The following FAM13B variants were observed in gnomAD, a reference collection of about 807,000 sequenced individuals.
FAM13B encodes protein FAM13B.
In FAM13B, 60 loss-of-function variants were observed where a neutral mutation model predicts 117.3. The observed-to-expected ratio is 0.51, with a 90% confidence interval of 0.42 to 0.63. The LOEUF (loss-of-function observed/expected upper bound fraction) is 0.63, where lower values mean the gene tolerates loss of function less well. Among genes scored for constraint, FAM13B ranks in the 30% least tolerant of loss-of-function variants. The pLI is 0.00. For synonymous variants in FAM13B, 332 were observed against 356.1 expected (o/e 0.93, Z 0.76); for missense variants, 972 against 1,091.9 (o/e 0.89, Z 1.55).
rs201567292 is a variant in FAM13B, at chr5:137,940,241, G to C, written c.2798C>G (p.Ser933Cys). The change falls in exon 24 of 24, where the codon TCT (serine) becomes TGT (cysteine). Residue 933 changes from serine (S) to cysteine (C), a missense_variant. Transcript: ENST00000689681. The part of the protein sequence containing the change: ...LLEVLISKQD[S>C]SKSI ...GAACGTATCTTATATGGATTTTGAA[G>C]AATCTTGTTTGCTTATAAGAACTTC... 3 of 1,613,894 alleles carry C rather than the reference G, an allele frequency of 1.9e-6. No individual in the cohort carries two copies. In the East Asian group the frequency reaches 6.7e-5, roughly 36 times the overall value.
At position 137,969,996 on chromosome 5, in the gene FAM13B, C is replaced by A. The variant is rs929648986; in HGVS notation, c.1180-7527G>T. On this transcript the variant is annotated intron_variant, in intron 10 of 23. Coordinates refer to ENST00000689681, the MANE Select transcript of FAM13B (RefSeq NM_001385994.1). ...AATCTACGTCTGATTGGTGTACCTG[C>A]AAGTGACGGGGAGAATGGAACCAAG... 2.3e-3 allele frequency among the ~76,000 whole-genome samples: 348 copies of A among 152,232 alleles called. 2 individuals are homozygous for A. Among genetic ancestry groups the A allele is most frequent in the African/African-American group, 6.3e-3 (262 of 41,532 alleles).
chr5:137,990,956 C>G (rs1311774732), intron 7 of FAM13B, among the ~76,000 whole-genome samples: 1 of 151,990 alleles, frequency 6.6e-6, no homozygotes, highest in Non-Finnish European at 1.5e-5. Flanking sequence ...TTTCAAAGAG[C>G]TCTAAAAATG....
rs149574340 is a variant in FAM13B, at chr5:138,046,303, A to G, written c.-203+5575T>C. On this transcript the variant is annotated intron_variant, in intron 1 of 3. Transcript: ENST00000502471. ...GCCCAGTCTCTGGTATGTCTTTATC[A>G]GCAGTGTGAAAATGTACTAACACAG... Among the ~76,000 whole-genome samples the G allele has an allele frequency of 5.0e-3, 755 of 152,348 alleles. 3 individuals are homozygous for G. Among genetic ancestry groups the G allele is most frequent in the African/African-American group, 0.017 (722 of 41,588 alleles).
At chr5:138,025,727 C>A (rs1006181441) in intron 1 of FAM13B, among the ~76,000 whole-genome samples, 3 of 152,056 alleles carry the variant, frequency 2.0e-5, no homozygotes, top group African/African-American at 7.2e-5. Flanking sequence ...AGATTCAATG[C>A]ACTCCCCATC....
At chr5:137,981,357 A>G (rs1315834735) in intron 10 of FAM13B, among the ~76,000 whole-genome samples, 1 of 152,092 alleles carries the variant, frequency 6.6e-6, no homozygotes, top group Non-Finnish European at 1.5e-5. Flanking sequence ...CTGAGGTAGG[A>G]AAATCGCTTG....
intron 18 of FAM13B, among the ~76,000 whole-genome samples, 185 bp downstream of exon 18, chr5:137,948,770 T>C (rs1764119146): frequency 1.3e-5 from 2 of 152,214 alleles, no homozygotes; most frequent in Non-Finnish European, 2.9e-5. Context: ...AGTTTTATTA[T>C]GATTCAATTC....
At chr5:137,994,003 A>C (rs1379914340) in intron 7 of FAM13B, among the ~76,000 whole-genome samples, 2 of 152,198 alleles carry the variant, frequency 1.3e-5, no homozygotes, top group African/African-American at 2.4e-5. Flanking sequence ...TAAAATTTCC[A>C]GTTATTCAAA....
chr5:137,956,388 TG>T, intron 14 of FAM13B, 88 bp downstream of exon 14: 1 of 824,382 alleles, frequency 1.2e-6, no homozygotes, highest in Non-Finnish European at 1.8e-6. Context: ...TCCTAAGATA[TG>T]GGGACAGCAG....
At chr5:137,982,993 T>C (rs550084150) in intron 10 of FAM13B, among the ~76,000 whole-genome samples, 1 of 152,132 alleles carries the variant, frequency 6.6e-6, no homozygotes, top group East Asian at 1.9e-4. Context: ...GGACTCGAGA[T>C]ACAAATTTGG....
rs1011684777 is a variant in FAM13B at position 137,960,047 on chromosome 5, A to G, written c.1293+119T>C. On this transcript the variant is annotated intron_variant, in intron 12 of 23. Transcript: ENST00000689681. ...TTAAGTTGCTGTTTAACTGTAAAAT[A>G]TTTGGTAAGAGTATTTATATTTAAA... 25 of 720,286 alleles carry G rather than the reference A, an allele frequency of 3.5e-5. 1 individual carries two copies. In the Middle Eastern group the frequency reaches 1.1e-3, roughly 31 times the overall value. The allele number at this position is 720,286 out of a possible 1,614,324, so 44.6% of individuals were successfully genotyped here. A position where few individuals can be genotyped will look rare whatever the true frequency, so the allele number is the denominator to read the frequency against.
At chr5:137,972,638 G>A (rs1772579270) in intron 10 of FAM13B, among the ~76,000 whole-genome samples, 1 of 152,034 alleles carries the variant, frequency 6.6e-6, no homozygotes, top group African/African-American at 2.4e-5. Flanking sequence ...GGAAATAAAA[G>A]GTATTCAATT....
intron 7 of FAM13B, among the ~76,000 whole-genome samples, chr5:137,991,350 G>A (rs925150072): frequency 1.3e-5 from 2 of 152,112 alleles, no homozygotes; most frequent in East Asian, 1.9e-4. Context: ...CATAAACAAC[G>A]TGTGCAACTA....
upstream of FAM13B, chr5:138,037,047 A>G (rs1467891309): frequency 6.3e-6 from 1 of 158,662 alleles, no homozygotes; most frequent in Non-Finnish European, 1.4e-5. Flanking sequence ...ATACCTCACT[A>G]AAAGAATACT....
rs1011818780 is a variant in FAM13B at position 137,942,856 on chromosome 5, C to T, written c.2588+19G>A. Reference sequence around the variant, plus strand: ...TTTTATTATAAAAATAGGCTAAAATCACAAATCAGCATACATACATAGAAG... The same window carrying T: ...TTTTATTATAAAAATAGGCTAAAATTACAAATCAGCATACATACATAGAAG... On this transcript the variant is annotated intron_variant, in intron 22 of 23. Coordinates refer to ENST00000689681, the MANE Select transcript of FAM13B (RefSeq NM_001385994.1). The T allele has an allele frequency of 1.3e-6, 2 of 1,575,814 alleles. No individual in the cohort carries two copies. The highest frequency in any genetic ancestry group is 4.2e-5 in the Admixed American group (2 of 47,992).
intron 10 of FAM13B, among the ~76,000 whole-genome samples, chr5:137,966,271 T>C (rs986624905): frequency 7.4e-4 from 112 of 151,592 alleles, no homozygotes; most frequent in African/African-American, 2.6e-3. Context: ...ACCTCGTCTC[T>C]ACTAAAAATA....
chr5:137,990,295 G>A (rs1778299520), intron 7 of FAM13B, among the ~76,000 whole-genome samples: 1 of 152,164 alleles, frequency 6.6e-6, no homozygotes, highest in Non-Finnish European at 1.5e-5. Context: ...GTGGCATACT[G>A]AATGGTGTGG....
intron 10 of FAM13B, among the ~76,000 whole-genome samples, chr5:137,968,608 A>C: frequency 6.6e-6 from 1 of 152,170 alleles, no homozygotes; most frequent in Non-Finnish European, 1.5e-5. Flanking sequence ...GGGAGGAGCC[A>C]AGATGGCCGA....
chr5:137,973,242 T>C (rs1224189930), intron 10 of FAM13B, among the ~76,000 whole-genome samples: 1 of 152,214 alleles, frequency 6.6e-6, no homozygotes, highest in Non-Finnish European at 1.5e-5. Flanking sequence ...AACAGCATGG[T>C]ACTGGTACCA....
chr5:138,042,551 A>T (rs1180428843), intron 1 of FAM13B, among the ~76,000 whole-genome samples: 1 of 152,116 alleles, frequency 6.6e-6, no homozygotes, highest in Non-Finnish European at 1.5e-5. Context: ...TTTTTTCTTT[A>T]ATTGAAATTA....
Sources: allele counts gnomAD v4.1 joint callset (sites outside exome capture counted in the v4.1 genomes callset), GRCh38; gene constraint gnomAD v4.1.1; transcripts MANE v1.5; gene names NCBI Gene and HGNC (gene_info 2026-07-23, HGNC 2026-07-21).